The following MTRR variants were observed in gnomAD, a reference collection of about 807,000 sequenced individuals.
MTRR encodes the protein methionine synthase reductase.
MTRR carries 63 observed loss-of-function variants against 79.2 expected under a neutral mutation model. The observed-to-expected ratio is 0.80, with a 90% confidence interval of 0.65 to 0.98. The LOEUF (loss-of-function observed/expected upper bound fraction) is 0.98, where lower values mean the gene tolerates loss of function less well. MTRR is among the 50% of genes least tolerant of loss of function. The pLI, the probability that MTRR is intolerant of heterozygous loss-of-function variation, is 0.00. For missense variants in MTRR, 895 were observed against 839.6 expected, an observed-to-expected ratio of 1.07 and a Z score of -0.82; for synonymous variants, 355 against 313.3, an observed-to-expected ratio of 1.13 and a Z score of -1.41.
intron 8 of MTRR, among the ~76,000 whole-genome samples, chr5:7,888,692 G>A (rs1266511447): frequency 1.3e-5 from 2 of 152,176 alleles, no homozygotes; most frequent in African/African-American, 2.4e-5. Context: ...GTACCCATTA[G>A]CATTTCACAT....
At chr5:7,854,065 C>T (rs933164451) in intron 1 of MTRR, among the ~76,000 whole-genome samples, 6 of 152,004 alleles carry the variant, frequency 3.9e-5, no homozygotes, top group Non-Finnish European at 8.8e-5. Context: ...TAAAAATACT[C>T]TTTTTAAAAA....
At chr5:7,857,033 A>G (rs1317949199) in intron 1 of MTRR, 1 of 152,076 alleles carries the variant, frequency 6.6e-6, no homozygotes, top group Non-Finnish European at 1.5e-5. Context: ...CTCTAGTTTC[A>G]ACTGCTGCAG....
chr5:7,851,637 C>T (rs1579509358), intron 1 of MTRR: 1 of 152,194 alleles, frequency 6.6e-6, no homozygotes, highest in South Asian at 2.1e-4. Flanking sequence ...GCCTTTCAAG[C>T]TCTCGGTGGC....
At chr5:7,863,584 G>T (rs1746705097) in intron 2 of MTRR, among the ~76,000 whole-genome samples, 1 of 152,132 alleles carries the variant, frequency 6.6e-6, no homozygotes, top group Non-Finnish European at 1.5e-5. Context: ...AACACTTCTG[G>T]TCCTGAGCAT....
At chr5:7,875,111 T>C in intron 3 of MTRR, 147 bp from the exon 4 acceptor site, 2 of 691,834 alleles carry the variant, frequency 2.9e-6, no homozygotes, top group Non-Finnish European at 5.2e-6. Flanking sequence ...ATAGAATTAC[T>C]CAAGGAAAAT....
At chr5:7,899,611 C>T (rs970443719) in intron 14 of MTRR, among the ~76,000 whole-genome samples, 2 of 152,142 alleles carry the variant, frequency 1.3e-5, no homozygotes, top group Non-Finnish European at 2.9e-5. Flanking sequence ...TGGGTCGGAG[C>T]CAGGCAGGAC....
chr5:7,866,929 T>C (rs1379410118), upstream of MTRR: 2 of 1,614,092 alleles, frequency 1.2e-6, no homozygotes, highest in East Asian at 4.5e-5. Flanking sequence ...GGATGGGTTT[T>C]GAAAGAATCA....
At chr5:7,859,483 T>A in intron 1 of MTRR, 1 of 1,607,308 alleles carries the variant, frequency 6.2e-7, no homozygotes, top group South Asian at 1.1e-5. Flanking sequence ...GTTTTCTTTG[T>A]AAATATTCCA....
chr5:7,877,566 G>T (rs1209778226), intron 4 of MTRR, among the ~76,000 whole-genome samples: 3 of 150,620 alleles, frequency 2.0e-5, no homozygotes, highest in African/African-American at 7.3e-5. Flanking sequence ...CATTATGGTA[G>T]CCTTGGATTT....
At chr5:7,853,821 C>T (rs1354571216) in intron 1 of MTRR, among the ~76,000 whole-genome samples, 1 of 152,198 alleles carries the variant, frequency 6.6e-6, no homozygotes, top group Admixed American at 6.5e-5. Context: ...AGTGTCTTGC[C>T]TCCTTGGTGT....
rs571735563 is a variant in MTRR, at chr5:7,895,611, T to C, written c.1558-123T>C. 3.1e-6 allele frequency: 4 copies of C among 1,275,152 alleles called. No individual in the cohort carries two copies. The African/African-American group carries it at 5.9e-5, about 19-fold the overall frequency. 79.0% of individuals were successfully genotyped at this position (1,275,152 alleles called of 1,614,324 possible). A position where few individuals can be genotyped will look rare whatever the true frequency, so the allele number is the denominator to read the frequency against. The stretch of plus-strand genomic sequence containing the variant: ...TGGTTTCAATAAAATCTGATGCCAC[T>C]ATTTAGTGATGTTTCTTTGATGGGA... On this transcript the variant is annotated intron_variant, in intron 11 of 14. Coordinates refer to ENST00000440940, the MANE Select transcript of MTRR (RefSeq NM_002454.3).
rs1167407947 is a variant in MTRR, at chr5:7,875,676, T to G, written c.401+301T>G. ...GGTATTTGCAGAAATCAGCTTGTTC[T>G]TTAGGAACTTTAATCGTGCATGTGC... On this transcript the variant is annotated intron_variant, in intron 4 of 14. Coordinates refer to ENST00000440940, the MANE Select transcript of MTRR (RefSeq NM_002454.3). Among the ~76,000 whole-genome samples, 3 of 152,358 alleles carry G rather than the reference T, an allele frequency of 2.0e-5. No individual in the cohort carries two copies. In the East Asian group the frequency reaches 5.8e-4, roughly 29 times the overall value.
chr5:7,867,221 A>G (rs1561108723), upstream of MTRR: 1 of 1,614,148 alleles, frequency 6.2e-7, no homozygotes, highest in African/African-American at 1.3e-5. Context: ...CAGGTTGGAA[A>G]CTATTGATAG....
intron 1 of MTRR, chr5:7,859,652 C>T (rs1746389438): frequency 3.2e-6 from 2 of 623,166 alleles, no homozygotes; most frequent in Admixed American, 3.4e-5. Context: ...AATGTAAGCT[C>T]CTGGAAGGCA....
In MTRR at chr5:7,899,900, A is replaced by G. The variant is rs1020811130; in HGVS notation, c.1953-14A>G. 3 of 1,614,062 alleles carry G rather than the reference A, an allele frequency of 1.9e-6. No homozygotes were observed. Among genetic ancestry groups the G allele is most frequent in the African/African-American group, 1.3e-5 (1 of 74,950 alleles). On this transcript the variant is annotated splice_polypyrimidine_tract_variant and intron_variant, in intron 14 of 14. Coordinates refer to ENST00000440940, the MANE Select transcript of MTRR (RefSeq NM_002454.3). The stretch of plus-strand genomic sequence containing the variant: ...CCTGTTTGTAAGCAGTCATCTTATT[A>G]TTTTCTTTTCTAGAGATGCAAAGAA...
At chr5:7,865,205 T>C (rs1416503517), upstream of MTRR, among the ~76,000 whole-genome samples, 1 of 152,172 alleles carries the variant, frequency 6.6e-6, no homozygotes, top group East Asian at 1.9e-4. Context: ...CCTTTAGAAA[T>C]GGTAAGAGAT....
intron 1 of MTRR, among the ~76,000 whole-genome samples, chr5:7,855,064 A>C (rs566718259): frequency 6.6e-6 from 1 of 152,372 alleles, no homozygotes; most frequent in South Asian, 2.1e-4. Context: ...GACATTCTAC[A>C]GGGCAATTGA....
chr5:7,879,870 T>C (rs6555501), intron 5 of MTRR, among the ~76,000 whole-genome samples: 70,069 of 152,064 alleles, frequency 0.46, 16,692 homozygotes, highest in African/African-American at 0.57. Flanking sequence ...GTCACTTGGA[T>C]CTGCTGTAGA....
At chr5:7,862,799 A>C (rs1746648965) in intron 2 of MTRR, 1 of 1,590,318 alleles carries the variant, frequency 6.3e-7, no homozygotes, top group East Asian at 2.2e-5. Context: ...GGTTTAAAAC[A>C]ACAAAACTCC....
Sources: allele counts gnomAD v4.1 joint callset (sites outside exome capture counted in the v4.1 genomes callset), GRCh38; gene constraint gnomAD v4.1.1; transcripts MANE v1.5; gene names NCBI Gene and HGNC (gene_info 2026-07-23, HGNC 2026-07-21).